Variants in ACAP1 observed in about 807,000 individuals in gnomAD.
ACAP1 encodes the protein ArfGAP with coiled-coil, ankyrin repeat and PH domains 1.
Under a neutral mutation model 98.8 loss-of-function variants are expected in ACAP1, and 45 were observed. The ratio of observed to expected loss-of-function variants is 0.46; its 90% confidence interval spans 0.36 to 0.58. The LOEUF is 0.58. Ranked by LOEUF, ACAP1 falls within the 20% of genes least tolerant of loss-of-function variation. ACAP1 has a pLI of 0.00. For missense variants in ACAP1, 735 were observed against 971.4 expected (o/e 0.76, Z 3.24); for synonymous variants, 362 against 375.3 (o/e 0.96, Z 0.41).
Position 7,344,500 on chromosome 17 carries a change from G to A in ACAP1, c.745-39G>A. 6.9e-7 allele frequency: 1 copy of A among 1,451,972 alleles called. No individual in the cohort carries two copies. The highest frequency in any genetic ancestry group is 9.5e-7 in the Non-Finnish European group (1 of 1,057,578). The allele number at this position is 1,451,972 out of a possible 1,614,324, so 89.9% of individuals were successfully genotyped here. ...GCAGATGCCTATGGCCTTGGTGTCTGCCCATCTCAGTTGCCCTTTGATCCT... is the reference window on the plus strand; with the variant it reads ...GCAGATGCCTATGGCCTTGGTGTCTACCCATCTCAGTTGCCCTTTGATCCT... On this transcript the variant is annotated intron_variant, in intron 9 of 21. Transcript: ENST00000158762. This position sits in a 1 kb window ranked among gnomAD's most constrained non-coding sequence, Gnocchi z 4.9.
chr17:7,348,782 T>C, intron 17 of ACAP1: 1 of 591,132 alleles, frequency 1.7e-6, no homozygotes, highest in Admixed American at 3.1e-5. Context: ...GATGAGGTGA[T>C]GATGCCGTCT....
At chr17:7,347,662 A>G in intron 14 of ACAP1, 2 of 575,398 alleles carry the variant, frequency 3.5e-6, no homozygotes, top group Non-Finnish European at 6.2e-6. Flanking sequence ...AAGTGTCACT[A>G]GAGAAGGGAG....
At chr17:7,339,434 C>T (rs1475824874) in intron 2 of ACAP1, among the ~76,000 whole-genome samples, 1 of 151,956 alleles carries the variant, frequency 6.6e-6, no homozygotes, top group East Asian at 1.9e-4. Flanking sequence ...CATGATGAAA[C>T]CCCCATCTCT....
Position 7,350,226 on chromosome 17 carries a change from C to T in ACAP1, c.2061C>T (p.Asp687=), listed in dbSNP as rs2073390369. The T allele has an allele frequency of 6.2e-7, 1 of 1,613,964 alleles. No homozygotes were observed. The highest frequency in any genetic ancestry group is 8.5e-7 in the Non-Finnish European group (1 of 1,179,862). ...TCGCCATGGAAACAGCCAACGCTGACATCGTCACCCTGTAAGAATGCCTGA... is the reference window on the plus strand; with the variant it reads ...TCGCCATGGAAACAGCCAACGCTGATATCGTCACCCTGTAAGAATGCCTGA... ...LTIAMETANA[D]IVTLLRLAKM... The change falls in exon 20 of 22, where the codon GAC becomes GAT. Residue 687 remains aspartate, a synonymous_variant. Coordinates refer to ENST00000158762, the MANE Select transcript of ACAP1 (RefSeq NM_014716.4). This position sits in a 1 kb window ranked among gnomAD's most constrained non-coding sequence, Gnocchi z 4.6.
At position 7,350,301 on chromosome 17, in the gene ACAP1, C is replaced by G. The variant is rs1345819421; in HGVS notation, c.2072+64C>G. 73 of 1,005,860 alleles carry G rather than the reference C, an allele frequency of 7.3e-5. No homozygotes were observed. The highest frequency in any genetic ancestry group is 8.2e-5 in the Non-Finnish European group (57 of 691,170). The allele number at this position is 1,005,860 out of a possible 1,614,324, so 62.3% of individuals were successfully genotyped here. A position where few individuals can be genotyped will look rare whatever the true frequency, so the allele number is the denominator to read the frequency against. On this transcript the variant is annotated intron_variant, in intron 20 of 21. Transcript: ENST00000158762. This position sits in a 1 kb window ranked among gnomAD's most constrained non-coding sequence, Gnocchi z 4.6. ...CCCCCCACCCCCGCCCACCCACGTT[C>G]GGGCGGGCGGGCGGGGCTGACGCCG... is the stretch of plus-strand genomic sequence containing the variant.
chr17:7,344,228 G>T lies in ACAP1; in HGVS notation c.744+105G>T, dbSNP rs1432615086. The T allele has an allele frequency of 7.9e-7, 1 of 1,263,044 alleles. No individual in the cohort carries two copies. The highest frequency in any genetic ancestry group is 1.1e-6 in the Non-Finnish European group (1 of 898,122). The allele number at this position is 1,263,044 out of a possible 1,614,324, so 78.2% of individuals were successfully genotyped here. A position where few individuals can be genotyped will look rare whatever the true frequency, so the allele number is the denominator to read the frequency against. On this transcript the variant is annotated intron_variant, in intron 9 of 21. Coordinates refer to ENST00000158762, the MANE Select transcript of ACAP1 (RefSeq NM_014716.4). This position sits in a 1 kb window ranked among gnomAD's most constrained non-coding sequence, Gnocchi z 4.9. ...GGAGTTCAAGATTAGCCTAGGCATC[G>T]TAGTGAAACTCCATCTCTACAGAAA...
chr17:7,343,946 TG>T lies in ACAP1; in HGVS notation c.662del (p.Gly221AlafsTer9). Reference sequence around the variant, plus strand: ...CGGCTGTCCCAGTATCGAAAGGAGCTGGGCGCCCAGGTGGGGCCCCAGGGCA... The same window carrying T: ...CGGCTGTCCCAGTATCGAAAGGAGCTGGCGCCCAGGTGGGGCCCCAGGGCA... ...LSRLSQYRKELGAQLHQLVLN... is the reference protein window; with the variant it reads ...LSRLSQYRKEXGAQLHQLVLN... On this transcript the variant is annotated frameshift_variant, in exon 8 of 22. Coordinates refer to ENST00000158762, the MANE Select transcript of ACAP1 (RefSeq NM_014716.4). LOFTEE classifies it high-confidence loss of function. This position sits in a 1 kb window ranked among gnomAD's most constrained non-coding sequence, Gnocchi z 4.9. 1 of 1,592,500 alleles carries T rather than the reference TG, an allele frequency of 6.3e-7. No individual in the cohort carries two copies. Among genetic ancestry groups the T allele is most frequent in the Non-Finnish European group, 8.6e-7 (1 of 1,169,058 alleles).
intron 2 of ACAP1, among the ~76,000 whole-genome samples, chr17:7,338,093 C>G (rs1407616786): frequency 1.3e-5 from 2 of 152,094 alleles, no homozygotes; most frequent in Non-Finnish European, 2.9e-5. Context: ...CCCCTTACTT[C>G]GCTTTACTTT....
In ACAP1 at chr17:7,343,353, A is replaced by G. The variant is rs987072190; in HGVS notation, c.345-26A>G. ...CTGGGGCAGGTGGGTGTTAGCTGCGATTCTGTGTTATTTTCCCATCCTCAG... is the reference window on the plus strand; with the variant it reads ...CTGGGGCAGGTGGGTGTTAGCTGCGGTTCTGTGTTATTTTCCCATCCTCAG... On this transcript the variant is annotated intron_variant, in intron 5 of 21. Coordinates refer to ENST00000158762, the MANE Select transcript of ACAP1 (RefSeq NM_014716.4). The surrounding 1 kb of genome is among the most constrained non-coding windows in gnomAD (Gnocchi z 4.9). 7 of 1,598,066 alleles carry G rather than the reference A, an allele frequency of 4.4e-6. No homozygotes were observed. The African/African-American group carries it at 9.4e-5, about 21-fold the overall frequency.
chr17:7,340,806 A>G (rs1257127652), intron 2 of ACAP1, among the ~76,000 whole-genome samples: 1 of 152,180 alleles, frequency 6.6e-6, no homozygotes, highest in African/African-American at 2.4e-5. Flanking sequence ...AGATCATGCC[A>G]TTGCACTCCA....
intron 2 of ACAP1, among the ~76,000 whole-genome samples, chr17:7,339,714 T>C (rs1294728947): frequency 6.6e-6 from 1 of 152,182 alleles, no homozygotes; most frequent in East Asian, 1.9e-4. Context: ...ATATACTCTT[T>C]TTTGGTGTTT....
At chr17:7,347,485 T>G (rs986536605) in intron 14 of ACAP1, 137 of 523,720 alleles carry the variant, frequency 2.6e-4, no homozygotes, top group Non-Finnish European at 4.1e-4. Context: ...TTTGTTGGCT[T>G]GGTTGGAAGA....
At chr17:7,342,526 A>G (rs1597650037) in intron 5 of ACAP1, 52 bp downstream of exon 5, 1 of 1,584,252 alleles carries the variant, frequency 6.3e-7, no homozygotes. Flanking sequence ...AACACTTTGG[A>G]AGGCCAAGGC....
Position 7,343,352 on chromosome 17 carries a change from G to A in ACAP1, c.345-27G>A, listed in dbSNP as rs770897728. 3.1e-6 allele frequency: 5 copies of A among 1,596,988 alleles called. No homozygotes were observed. Among genetic ancestry groups the A allele is most frequent in the East Asian group, 4.5e-5 (2 of 44,604 alleles). ...GCTGGGGCAGGTGGGTGTTAGCTGCGATTCTGTGTTATTTTCCCATCCTCA... is the reference window on the plus strand; with the variant it reads ...GCTGGGGCAGGTGGGTGTTAGCTGCAATTCTGTGTTATTTTCCCATCCTCA... On this transcript the variant is annotated intron_variant, in intron 5 of 21. Transcript: ENST00000158762. This position sits in a 1 kb window ranked among gnomAD's most constrained non-coding sequence, Gnocchi z 4.9.
At chr17:7,337,402 G>A (rs1298801813) in intron 2 of ACAP1, 33 bp downstream of exon 2, 2 of 1,602,664 alleles carry the variant, frequency 1.2e-6, no homozygotes, top group Admixed American at 3.3e-5. Context: ...ACCCAGGAGT[G>A]GATTAGGTTG....
chr17:7,344,404 C>G lies in ACAP1; in HGVS notation c.745-135C>G. ...TAAGCCTGGGTGAAAGAACAAGACC[C>G]TGTCTCTAAAAATAAATTTTAAAAA... is the stretch of plus-strand genomic sequence containing the variant. On this transcript the variant is annotated intron_variant, in intron 9 of 21. Coordinates refer to ENST00000158762, the MANE Select transcript of ACAP1 (RefSeq NM_014716.4). This position sits in a 1 kb window ranked among gnomAD's most constrained non-coding sequence, Gnocchi z 4.9. The G allele has an allele frequency of 1.4e-6, 1 of 722,948 alleles. No individual in the cohort carries two copies. Among genetic ancestry groups the G allele is most frequent in the East Asian group, 2.7e-5 (1 of 36,966 alleles). The allele number at this position is 722,948 out of a possible 1,614,324, so 44.8% of individuals were successfully genotyped here. A position where few individuals can be genotyped will look rare whatever the true frequency, so the allele number is the denominator to read the frequency against.
intron 2 of ACAP1, among the ~76,000 whole-genome samples, chr17:7,337,608 C>G (rs1172645543): frequency 6.6e-6 from 1 of 152,202 alleles, no homozygotes; most frequent in Admixed American, 6.5e-5. Flanking sequence ...AATCCCAGCA[C>G]TTTGGGAGGC....
In ACAP1 at chr17:7,348,364, C is replaced by G. The variant is rs2073367996; in HGVS notation, c.1567C>G (p.Leu523Val). The change falls in exon 17 of 22, where the codon CTG becomes GTG. Residue 523 changes from leucine (L) to valine (V), a missense_variant. Leu to Val is a conservative substitution (Grantham distance 32). This residue lies in a region of ACAP1 where 81 missense variants were observed against 132.0 expected (regional missense o/e 0.61). Transcript: ENST00000158762. ...CGTGGAGAAGAAGTTCCTGACCAAG[C>G]TGCCTGAGATTCGAGGGCGAAGAGG... ...KYVEKKFLTK[L>V]PEIRGRRGGR... 1 of 1,575,154 alleles carries G rather than the reference C, an allele frequency of 6.3e-7. No individual in the cohort carries two copies.
Position 7,350,194 on chromosome 17 carries a change from C to T in ACAP1, c.2029C>T (p.Leu677=), listed in dbSNP as rs2073389800. The T allele has an allele frequency of 6.2e-7, 1 of 1,614,092 alleles. No individual in the cohort carries two copies. Among genetic ancestry groups the T allele is most frequent in the African/African-American group, 1.3e-5 (1 of 74,942 alleles). The change falls in exon 20 of 22, where the codon CTG becomes TTG. Residue 677 remains leucine (L), a synonymous_variant. Coordinates refer to ENST00000158762, the MANE Select transcript of ACAP1 (RefSeq NM_014716.4). This position sits in a 1 kb window ranked among gnomAD's most constrained non-coding sequence, Gnocchi z 4.6. ...GARDSEGRDP[L]TIAMETANAD... is the part of the protein sequence containing the mutation. Reference sequence around the variant, plus strand: ...TCGAGACTCTGAAGGCAGGGACCCTCTGACCATCGCCATGGAAACAGCCAA... The same window carrying T: ...TCGAGACTCTGAAGGCAGGGACCCTTTGACCATCGCCATGGAAACAGCCAA...
Sources: gnomAD v4.1 joint callset for allele counts (sites outside exome capture counted in the v4.1 genomes callset) on GRCh38, gnomAD v4.1.1 for gene constraint, gnomAD v4.1.1 regional missense constraint, Gnocchi (gnomAD v3.1) non-coding constraint, MANE v1.5 for transcripts, NCBI Gene and HGNC (gene_info 2026-07-23, HGNC 2026-07-21) for gene names.